TMEM132C: variants seen among roughly 807,000 people sequenced by gnomAD.
TMEM132C encodes the protein protein phosphatase 1, regulatory subunit 152.
Under a neutral mutation model 61.4 loss-of-function variants are expected in TMEM132C, and 29 were observed. That is an observed-to-expected ratio of 0.47 (90% CI 0.35 to 0.64). The LOEUF is 0.64. Among genes scored for constraint, TMEM132C ranks in the 30% least tolerant of loss-of-function variants. The probability of loss-of-function intolerance (pLI) is 0.00; values close to 1 mark genes in which losing one functional copy is unlikely to be tolerated. For synonymous variants in TMEM132C, 656 were observed against 633.1 expected (o/e 1.04, Z -0.54); for missense variants, 1,408 against 1,476.9 (o/e 0.95, Z 0.76).
intron 2 of TMEM132C, among the ~76,000 whole-genome samples, chr12:128,423,804 C>T (rs145506876): frequency 0.033 from 5,078 of 151,886 alleles, 294 homozygotes; most frequent in Admixed American, 0.13. Flanking sequence ...GAGGCTGAGG[C>T]GGGCGGATCA....
chr12:128,337,778 A>T (rs1378088217), intron 1 of TMEM132C, among the ~76,000 whole-genome samples: 1 of 152,154 alleles, frequency 6.6e-6, no homozygotes, highest in South Asian at 2.1e-4. Flanking sequence ...TCATATTTCA[A>T]ACACTCTCTG....
At chr12:128,282,623 G>C (rs1870934002) in intron 1 of TMEM132C, among the ~76,000 whole-genome samples, 1 of 152,328 alleles carries the variant, frequency 6.6e-6, no homozygotes, top group Middle Eastern at 3.4e-3. Flanking sequence ...TGAGATTTGG[G>C]TGGGGACACA....
intron 1 of TMEM132C, among the ~76,000 whole-genome samples, chr12:128,283,103 TTATGAA>T (rs1349827471): frequency 1.3e-5 from 2 of 152,242 alleles, no homozygotes; most frequent in Non-Finnish European, 2.9e-5. Flanking sequence ...CAACATTTCA[TTATGAA>T]TCTATAACAG....
intron 2 of TMEM132C, among the ~76,000 whole-genome samples, chr12:128,471,530 G>T (rs998430554): frequency 6.6e-6 from 1 of 152,186 alleles, no homozygotes; most frequent in Non-Finnish European, 1.5e-5. Flanking sequence ...GAATATATAA[G>T]ATAGGAGTTT....
intron 5 of TMEM132C, among the ~76,000 whole-genome samples, chr12:128,684,549 G>C (rs550809326): frequency 6.6e-6 from 1 of 152,226 alleles, no homozygotes; most frequent in Non-Finnish European, 1.5e-5. Flanking sequence ...CATTAGCGCT[G>C]CCAACCCCCC....
intron 2 of TMEM132C, among the ~76,000 whole-genome samples, chr12:128,458,269 T>C (rs977453431): frequency 7.6e-5 from 7 of 92,198 alleles, no homozygotes; most frequent in African/African-American, 5.7e-4. Context: ...TATAATTATA[T>C]AATTATAATA....
At chr12:128,510,941 C>T (rs117402353) in intron 2 of TMEM132C, among the ~76,000 whole-genome samples, 6 of 152,332 alleles carry the variant, frequency 3.9e-5, no homozygotes, top group East Asian at 1.9e-4. Context: ...CCGATGTCCA[C>T]GTTGCTTTCC....
At chr12:128,461,870 C>A (rs536377336) in intron 2 of TMEM132C, among the ~76,000 whole-genome samples, 1 of 152,260 alleles carries the variant, frequency 6.6e-6, no homozygotes, top group African/African-American at 2.4e-5. Flanking sequence ...AGTTCCTAAC[C>A]TAGGACCTGC....
intron 1 of TMEM132C, chr12:128,404,460 C>G (rs1019524104): frequency 6.6e-6 from 1 of 152,244 alleles, no homozygotes; most frequent in African/African-American, 2.4e-5. Flanking sequence ...GCAGGTCCTA[C>G]CCATCCTTTA....
chr12:128,388,460 T>C lies in TMEM132C; in HGVS notation c.86-26272T>C, dbSNP rs377466791. On this transcript the variant is annotated intron_variant, in intron 1 of 8. Coordinates refer to ENST00000435159, the MANE Select transcript of TMEM132C (RefSeq NM_001136103.3). ...CCCCTTGTCTCTTCTCTCTTCCCTC[T>C]CTCCCTGCCTCTCTGTCATTCTTTT... is the stretch of plus-strand genomic sequence containing the variant. Among the ~76,000 whole-genome samples, 1,059 of 152,348 alleles carry C rather than the reference T, an allele frequency of 7.0e-3. 3 individuals carry two copies. The highest frequency in any genetic ancestry group is 0.017 in the Middle Eastern group (5 of 294).
chr12:128,315,124 A>G (rs10744375), intron 1 of TMEM132C, among the ~76,000 whole-genome samples: 53,209 of 152,004 alleles, frequency 0.35, 9,557 homozygotes, highest in East Asian at 0.47. Flanking sequence ...GCATCTGATC[A>G]GGGACGGGGA....
At chr12:128,704,253 T>C (rs910703079) in intron 8 of TMEM132C, among the ~76,000 whole-genome samples, 1 of 152,224 alleles carries the variant, frequency 6.6e-6, no homozygotes, top group Non-Finnish European at 1.5e-5. Context: ...AAGTCAATTT[T>C]TTTTTACCAG....
chr12:128,579,986 A>C (rs1402577234), intron 3 of TMEM132C, among the ~76,000 whole-genome samples: 1 of 152,278 alleles, frequency 6.6e-6, no homozygotes, highest in East Asian at 1.9e-4. Flanking sequence ...GGAACAGTTC[A>C]GCAAAGAGAC....
chr12:128,668,257 AG>A (rs1358080007), intron 4 of TMEM132C, among the ~76,000 whole-genome samples: 3 of 152,174 alleles, frequency 2.0e-5, no homozygotes, highest in Non-Finnish European at 2.9e-5. Context: ...TCAAAAAAAA[AG>A]AAAAAAGAAT....
chr12:128,696,620 G>A (rs1202451019), intron 7 of TMEM132C, among the ~76,000 whole-genome samples: 1 of 152,102 alleles, frequency 6.6e-6, no homozygotes, highest in Non-Finnish European at 1.5e-5. Context: ...ATTTCATGAT[G>A]GGGCATGAAC....
At chr12:128,418,862 A>G (rs1448641306) in intron 2 of TMEM132C, among the ~76,000 whole-genome samples, 4 of 152,218 alleles carry the variant, frequency 2.6e-5, no homozygotes, top group African/African-American at 4.8e-5. Context: ...AGTGTCCGTT[A>G]GGAAAAGATG....
intron 4 of TMEM132C, among the ~76,000 whole-genome samples, chr12:128,618,552 C>T (rs1473021334): frequency 6.6e-6 from 1 of 152,092 alleles, no homozygotes; most frequent in Non-Finnish European, 1.5e-5. Context: ...ATTGTAGGTC[C>T]CATAATTCCC....
At chr12:128,396,171 T>C (rs58789939) in intron 1 of TMEM132C, among the ~76,000 whole-genome samples, 8,045 of 142,898 alleles carry the variant, frequency 0.056, 625 homozygotes, top group African/African-American at 0.2. Flanking sequence ...TACAAATACT[T>C]GTGGTTATTT....
intron 3 of TMEM132C, among the ~76,000 whole-genome samples, chr12:128,587,872 G>C (rs561736874): frequency 6.6e-6 from 1 of 152,300 alleles, no homozygotes; most frequent in South Asian, 2.1e-4. Context: ...CAGAACAATA[G>C]TTACCTCGAA....
Sources: gnomAD v4.1 joint callset for allele counts (sites outside exome capture counted in the v4.1 genomes callset) on GRCh38, gnomAD v4.1.1 for gene constraint, MANE v1.5 for transcripts, NCBI Gene and HGNC (gene_info 2026-07-23, HGNC 2026-07-21) for gene names.